Variants in FAM174A observed in about 807,000 individuals in gnomAD.
The protein encoded by FAM174A is family with sequence similarity 174 member A.
In FAM174A, 14 loss-of-function variants were observed where a neutral mutation model predicts 14.3. The ratio of observed to expected loss-of-function variants is 0.98; its 90% confidence interval spans 0.65 to 1.53. The LOEUF (loss-of-function observed/expected upper bound fraction) is 1.53. Among genes scored for constraint, FAM174A ranks in the 40% most tolerant of loss-of-function variants. The pLI, the probability that FAM174A is intolerant of heterozygous loss-of-function variation, is 0.00. For synonymous variants in FAM174A, 108 were observed against 111.4 expected, an observed-to-expected ratio of 0.97 and a Z score of 0.19; for missense variants, 241 against 249.6, an observed-to-expected ratio of 0.97 and a Z score of 0.23.
chr5:100,559,154 A>T (rs1358706551), intron 1 of FAM174A, among the ~76,000 whole-genome samples: 1 of 152,072 alleles, frequency 6.6e-6, no homozygotes, highest in Non-Finnish European at 1.5e-5. Context: ...ATCTCTCAGC[A>T]TTTGCTTGTC....
In FAM174A at chr5:100,539,907, A is replaced by T. The variant is rs74692705; in HGVS notation, c.434+3943A>T. On this transcript the variant is annotated intron_variant, in intron 1 of 2. Coordinates refer to ENST00000312637, the MANE Select transcript of FAM174A (RefSeq NM_198507.3). ...ACCTCCAAATTTTACCTTTTTGAAA[A>T]GTGAGTTAACATTTATTGATCATCA... 8.1e-3 allele frequency among the ~76,000 whole-genome samples: 1,236 copies of T among 152,332 alleles called. 13 individuals carry two copies. The highest frequency in any genetic ancestry group is 0.028 in the African/African-American group (1,176 of 41,572).
At chr5:100,544,331 C>G (rs1368030473) in intron 1 of FAM174A, among the ~76,000 whole-genome samples, 1 of 151,850 alleles carries the variant, frequency 6.6e-6, no homozygotes, top group African/African-American at 2.4e-5. Flanking sequence ...ATCCCGGAAA[C>G]AGTTGAGGCC....
At chr5:100,558,567 G>T (rs1480082350) in intron 1 of FAM174A, among the ~76,000 whole-genome samples, 1 of 152,026 alleles carries the variant, frequency 6.6e-6, no homozygotes, top group Non-Finnish European at 1.5e-5. Flanking sequence ...TATTGTGTGG[G>T]AGTCTAGGTC....
At chr5:100,570,970 A>G (rs1022749485) in intron 2 of FAM174A, among the ~76,000 whole-genome samples, 9 of 151,850 alleles carry the variant, frequency 5.9e-5, no homozygotes, top group Non-Finnish European at 1.3e-4. Flanking sequence ...TCTGTAAATA[A>G]ACATGGTGAA....
chr5:100,564,942 C>T (rs1746609913), intron 2 of FAM174A, among the ~76,000 whole-genome samples: 1 of 151,780 alleles, frequency 6.6e-6, no homozygotes, highest in African/African-American at 2.4e-5. Flanking sequence ...TTATACCAGA[C>T]ATTTAAAGAA....
intron 2 of FAM174A, among the ~76,000 whole-genome samples, chr5:100,583,594 C>G (rs1747061557): frequency 6.6e-6 from 1 of 151,988 alleles, no homozygotes; most frequent in Non-Finnish European, 1.5e-5. Context: ...TCAGTTAGCT[C>G]TTGAATTACT....
chr5:100,542,099 T>G (rs140757330), intron 1 of FAM174A, among the ~76,000 whole-genome samples: 5 of 152,292 alleles, frequency 3.3e-5, no homozygotes, highest in Non-Finnish European at 5.9e-5. Context: ...TGGAAGAGAA[T>G]GACTTTCACC....
At chr5:100,562,352 A>G (rs1479320098) in intron 2 of FAM174A, among the ~76,000 whole-genome samples, 164 bp downstream of exon 2, 1 of 151,906 alleles carries the variant, frequency 6.6e-6, no homozygotes, top group Non-Finnish European at 1.5e-5. Flanking sequence ...GCTCACATTC[A>G]CGTTGTTTTG....
At position 100,558,533 on chromosome 5, in the gene FAM174A, T is replaced by C. The variant is rs372799981; in HGVS notation, c.435-3521T>C. ...TGGTTGATCTGTCTAATGTTGACAG[T>C]GGGGTATTAAAGTCTCCCATTATTA... On this transcript the variant is annotated intron_variant, in intron 1 of 2. Coordinates refer to ENST00000312637, the MANE Select transcript of FAM174A (RefSeq NM_198507.3). Among the ~76,000 whole-genome samples, 3 of 152,282 alleles carry C rather than the reference T, an allele frequency of 2.0e-5. No individual in the cohort carries two copies. The East Asian group carries it at 5.8e-4, about 29-fold the overall frequency.
chr5:100,539,084 TAA>T (rs1561310921), intron 1 of FAM174A, among the ~76,000 whole-genome samples: 3 of 152,072 alleles, frequency 2.0e-5, no homozygotes, highest in Non-Finnish European at 4.4e-5. Flanking sequence ...CTACTTTTTT[TAA>T]AAAAAATCTC....
intron 1 of FAM174A, among the ~76,000 whole-genome samples, chr5:100,544,315 C>G (rs1240726617): frequency 6.6e-6 from 1 of 151,758 alleles, no homozygotes; most frequent in Non-Finnish European, 1.5e-5. Flanking sequence ...GCATTTGTAC[C>G]CCTGCATCCC....
At chr5:100,555,434 G>A (rs1374698289) in intron 1 of FAM174A, among the ~76,000 whole-genome samples, 4 of 152,094 alleles carry the variant, frequency 2.6e-5, no homozygotes, top group Admixed American at 1.3e-4. Context: ...AGTCCTTTGG[G>A]TATATACCCA....
At chr5:100,562,274 A>G in intron 2 of FAM174A, 86 bp downstream of exon 2, 1 of 1,239,374 alleles carries the variant, frequency 8.1e-7, no homozygotes, top group Non-Finnish European at 1.1e-6. Flanking sequence ...CTTTCATTTA[A>G]CAGCTTATAT....
intron 1 of FAM174A, among the ~76,000 whole-genome samples, chr5:100,560,647 G>T (rs180930384): frequency 4.6e-5 from 7 of 152,096 alleles, no homozygotes; most frequent in African/African-American, 1.2e-4. Context: ...ATTTGTTGAA[G>T]GTATGTTTGT....
chr5:100,564,230 G>A lies in FAM174A; in HGVS notation c.569+2042G>A, dbSNP rs184390331. The stretch of plus-strand genomic sequence containing the variant: ...TTATAAATTACCCAGTCTCAGGTAT[G>A]TCTTTATAGCAATGAAAGAATGGAC... On this transcript the variant is annotated intron_variant, in intron 2 of 2. Coordinates refer to ENST00000312637, the MANE Select transcript of FAM174A (RefSeq NM_198507.3). Among the ~76,000 whole-genome samples the A allele has an allele frequency of 3.8e-4, 58 of 151,860 alleles. No homozygotes were observed. In the East Asian group the frequency reaches 0.01, roughly 27 times the overall value.
chr5:100,554,850 G>A (rs1240146068), intron 1 of FAM174A, among the ~76,000 whole-genome samples: 1 of 151,910 alleles, frequency 6.6e-6, no homozygotes, highest in East Asian at 1.9e-4. Flanking sequence ...AAATTTAAAT[G>A]AATATGTCGC....
intron 2 of FAM174A, among the ~76,000 whole-genome samples, chr5:100,581,691 T>C (rs1686258867): frequency 6.6e-6 from 1 of 152,176 alleles, no homozygotes; most frequent in Non-Finnish European, 1.5e-5. Flanking sequence ...GGTTGAGTCA[T>C]GCCAGGGAGG....
At chr5:100,545,391 T>C (rs1280511368) in intron 1 of FAM174A, among the ~76,000 whole-genome samples, 2 of 152,196 alleles carry the variant, frequency 1.3e-5, no homozygotes, top group Non-Finnish European at 2.9e-5. Flanking sequence ...AGATTTTTAT[T>C]GCTATATTCT....
chr5:100,572,192 G>A (rs1746795831), intron 2 of FAM174A, among the ~76,000 whole-genome samples: 1 of 145,996 alleles, frequency 6.8e-6, no homozygotes, highest in African/African-American at 2.5e-5. Context: ...TAGTAAAGTT[G>A]ATTCAAGTAA....
Sources: gnomAD v4.1 joint callset for allele counts (sites outside exome capture counted in the v4.1 genomes callset) on GRCh38, gnomAD v4.1.1 for gene constraint, MANE v1.5 for transcripts, NCBI Gene and HGNC (gene_info 2026-07-23, HGNC 2026-07-21) for gene names.